The following ATP8A2 variants were observed in gnomAD, a reference collection of about 807,000 sequenced individuals.
The protein encoded by ATP8A2 is ATPase phospholipid transporting 8A2.
Under a neutral mutation model 165.6 loss-of-function variants are expected in ATP8A2, and 100 were observed. The ratio of observed to expected loss-of-function variants is 0.60; its 90% CI spans 0.51 to 0.71. The LOEUF (loss-of-function observed/expected upper bound fraction) is 0.71, where lower values mean the gene tolerates loss of function less well. Ranked by LOEUF, ATP8A2 falls within the 30% of genes least tolerant of loss-of-function variation. The probability of loss-of-function intolerance (pLI) is 0.00; values close to 1 mark genes in which losing one functional copy is unlikely to be tolerated. For missense variants in ATP8A2, 1,227 were observed against 1,479.5 expected (o/e 0.83, Z 2.80); for synonymous variants, 543 against 548.8 (o/e 0.99, Z 0.15).
At chr13:25,942,704 G>A (rs1204207475) in intron 33 of ATP8A2, among the ~76,000 whole-genome samples, 1 of 152,338 alleles carries the variant, frequency 6.6e-6, no homozygotes, top group East Asian at 1.9e-4. Context: ...GATTACAGGC[G>A]TGAGCCACCG....
chr13:25,637,084 C>A (rs1304528757), intron 24 of ATP8A2, among the ~76,000 whole-genome samples: 13 of 92,598 alleles, frequency 1.4e-4, no homozygotes, highest in African/African-American at 5.4e-4. Context: ...CAGAGCAAGA[C>A]CCTGTCTCAA....
chr13:25,987,557 C>G (rs550575979), intron 35 of ATP8A2, among the ~76,000 whole-genome samples: 1 of 152,320 alleles, frequency 6.6e-6, no homozygotes, highest in South Asian at 2.1e-4. Flanking sequence ...GCAAAGTCAG[C>G]ATGCTGTTGC....
chr13:25,935,119 G>T (rs1954849500), intron 33 of ATP8A2, among the ~76,000 whole-genome samples: 1 of 152,204 alleles, frequency 6.6e-6, no homozygotes, highest in Non-Finnish European at 1.5e-5. Flanking sequence ...TTTTACAAAT[G>T]AGTAAACTCA....
Position 25,574,789 on chromosome 13 carries a change from C to A in ATP8A2, c.1663-19C>A. 2.0e-6 allele frequency: 3 copies of A among 1,484,358 alleles called. No individual in the cohort carries two copies. Among genetic ancestry groups the A allele is most frequent in the Non-Finnish European group, 2.8e-6 (3 of 1,063,100 alleles). The allele number at this position is 1,484,358 out of a possible 1,614,324, so 91.9% of individuals were successfully genotyped here. On this transcript the variant is annotated intron_variant, in intron 18 of 36. Coordinates refer to ENST00000381655, the MANE Select transcript of ATP8A2 (RefSeq NM_016529.6). ...TAATACTTTGCACCTCGGTTAAGAG[C>A]CTATTTTTCTTCCTTTAGATGGGAC...
In ATP8A2 at chr13:25,754,881, G is replaced by C. The variant is rs2044229212; in HGVS notation, c.2385-14165G>C. Among the ~76,000 whole-genome samples, 5 of 152,150 alleles carry C rather than the reference G, an allele frequency of 3.3e-5. No homozygotes were observed. The South Asian group carries it at 8.3e-4, about 25-fold the overall frequency. ...AGTTGTCTGGTGTTATTTTACATAG[G>C]CTTTTTCAAAATTTGTTTTATGTCA... On this transcript the variant is annotated intron_variant, in intron 25 of 36. Transcript: ENST00000381655.
At chr13:25,996,748 A>C (rs1482327078) in intron 35 of ATP8A2, among the ~76,000 whole-genome samples, 1 of 152,164 alleles carries the variant, frequency 6.6e-6, no homozygotes, top group Non-Finnish European at 1.5e-5. Context: ...CAGTGGCACA[A>C]TCTCAGCTCA....
intron 35 of ATP8A2, among the ~76,000 whole-genome samples, chr13:25,987,834 T>A (rs1956303072): frequency 6.6e-6 from 1 of 152,232 alleles, no homozygotes; most frequent in African/African-American, 2.4e-5. Context: ...ATGGGATGTG[T>A]CCTGCTTGTT....
chr13:25,386,990 C>T (rs1444375517), intron 1 of ATP8A2, among the ~76,000 whole-genome samples: 2 of 91,990 alleles, frequency 2.2e-5, no homozygotes, highest in African/African-American at 5.9e-5. Flanking sequence ...GAGCGAGACT[C>T]CATCTCAAAA....
intron 2 of ATP8A2, among the ~76,000 whole-genome samples, chr13:25,488,035 G>A (rs1017917989): frequency 2.0e-4 from 31 of 152,214 alleles, no homozygotes; most frequent in African/African-American, 7.2e-4. Flanking sequence ...AAAGCATGTC[G>A]GGAAGCTAAA....
intron 36 of ATP8A2, among the ~76,000 whole-genome samples, chr13:26,018,172 C>T (rs1361398471): frequency 6.6e-6 from 1 of 152,248 alleles, no homozygotes; most frequent in African/African-American, 2.4e-5. Flanking sequence ...CCCGATAACC[C>T]CCCTGAGCCT....
chr13:25,478,538 G>A (rs1485083397), intron 2 of ATP8A2, among the ~76,000 whole-genome samples: 1 of 152,156 alleles, frequency 6.6e-6, no homozygotes, highest in East Asian at 1.9e-4. Flanking sequence ...TTCAAATGCT[G>A]ACCCATTCTT....
intron 1 of ATP8A2, among the ~76,000 whole-genome samples, chr13:25,422,879 G>A (rs1188853129): frequency 1.3e-5 from 2 of 152,220 alleles, no homozygotes; most frequent in African/African-American, 2.4e-5. Flanking sequence ...CCTTACAAAA[G>A]TATTATTTTG....
Position 25,486,772 on chromosome 13 carries a change from G to A in ATP8A2, c.221+17651G>A, listed in dbSNP as rs535922574. Among the ~76,000 whole-genome samples the A allele has an allele frequency of 1.4e-4, 21 of 152,184 alleles. No homozygotes were observed. In the South Asian group the frequency reaches 2.9e-3, roughly 21 times the overall value. ...CTGAGCTCAGGAGTTTGAGACCAGC[G>A]TGGGGCAACATGGTGAAACCCCATC... On this transcript the variant is annotated intron_variant, in intron 2 of 36. Coordinates refer to ENST00000381655, the MANE Select transcript of ATP8A2 (RefSeq NM_016529.6).
At chr13:25,561,892 G>A (rs2039167224) in intron 15 of ATP8A2, among the ~76,000 whole-genome samples, 1 of 152,282 alleles carries the variant, frequency 6.6e-6, no homozygotes, top group South Asian at 2.1e-4. Context: ...TTTTGTGTTT[G>A]GCGTATTTCC....
intron 2 of ATP8A2, among the ~76,000 whole-genome samples, chr13:25,509,803 C>A (rs139372639): frequency 3.3e-5 from 5 of 152,136 alleles, no homozygotes; most frequent in African/African-American, 7.2e-5. Context: ...GGAATGAATA[C>A]CAGTACATTG....
intron 15 of ATP8A2, among the ~76,000 whole-genome samples, chr13:25,560,317 T>A (rs1041901857): frequency 9.2e-5 from 14 of 152,270 alleles, no homozygotes; most frequent in African/African-American, 3.1e-4. Context: ...TCACTCCCTA[T>A]TCCCTGGAGG....
At chr13:25,815,033 C>CAAA (rs57301278) in intron 27 of ATP8A2, among the ~76,000 whole-genome samples, 2 of 137,326 alleles carry the variant, frequency 1.5e-5, no homozygotes, top group African/African-American at 5.3e-5. Context: ...GACCTTGTTT[C>CAAA]AAAAAAAAAA....
chr13:25,723,450 C>T (rs1297465806), intron 25 of ATP8A2, among the ~76,000 whole-genome samples: 3 of 152,120 alleles, frequency 2.0e-5, no homozygotes, highest in African/African-American at 7.2e-5. Context: ...CTTAGAGGCT[C>T]TTATTTGATA....
chr13:25,810,605 A>T (rs915531614), intron 27 of ATP8A2, among the ~76,000 whole-genome samples: 1 of 152,162 alleles, frequency 6.6e-6, no homozygotes, highest in Non-Finnish European at 1.5e-5. Context: ...TGAATTAATT[A>T]ATCCTTTCCA....
Sources: gnomAD v4.1 joint callset for allele counts (sites outside exome capture counted in the v4.1 genomes callset) on GRCh38, gnomAD v4.1.1 for gene constraint, MANE v1.5 for transcripts, NCBI Gene and HGNC (gene_info 2026-07-23, HGNC 2026-07-21) for gene names.